The following USP28 variants were observed in gnomAD, a reference collection of about 807,000 sequenced individuals.
The protein encoded by USP28 is ubiquitin carboxyl-terminal hydrolase 28.
USP28 carries 113 observed loss-of-function variants against 145.0 expected under a neutral mutation model. The ratio of observed to expected loss-of-function variants is 0.78; its 90% CI spans 0.67 to 0.91. USP28 has a LOEUF of 0.91. Ranked by LOEUF, USP28 falls within the 40% of genes least tolerant of loss-of-function variation. The pLI, the probability that USP28 is intolerant of heterozygous loss-of-function variation, is 0.00. For synonymous variants in USP28, 447 were observed against 450.9 expected (o/e 0.99, Z 0.11); for missense variants, 1,201 against 1,289.6 (o/e 0.93, Z 1.05).
At chr11:113,874,141 G>GAAAA (rs552125095) in intron 1 of USP28, among the ~76,000 whole-genome samples, 1 of 83,420 alleles carries the variant, frequency 1.2e-5, no homozygotes. Flanking sequence ...ACTCCGTCTG[G>GAAAA]AAAAAAAAAA....
chr11:113,843,671 C>CA (rs573054023), intron 3 of USP28, among the ~76,000 whole-genome samples: 13,803 of 61,190 alleles, frequency 0.23, 1,005 homozygotes, highest in Middle Eastern at 0.31. Flanking sequence ...AACTCTATCT[C>CA]AAAAAAAAAA....
intron 1 of USP28, among the ~76,000 whole-genome samples, chr11:113,859,604 T>C (rs1276913158): frequency 6.6e-6 from 1 of 151,596 alleles, no homozygotes; most frequent in Non-Finnish European, 1.5e-5. Context: ...GTACTATATA[T>C]ATATATTTAT....
intron 3 of USP28, among the ~76,000 whole-genome samples, chr11:113,844,108 G>C (rs571459264): frequency 6.6e-6 from 1 of 152,070 alleles, no homozygotes; most frequent in Non-Finnish European, 1.5e-5. Context: ...AGAAAAAATA[G>C]ATTAAAAAAT....
At chr11:113,822,719 T>A (rs1043075331) in intron 12 of USP28, among the ~76,000 whole-genome samples, 1 of 152,268 alleles carries the variant, frequency 6.6e-6, no homozygotes, top group East Asian at 1.9e-4. Context: ...GTCCTGAAAA[T>A]CACTTCCAGG....
At chr11:113,829,728 G>A (rs566633059) in intron 9 of USP28, among the ~76,000 whole-genome samples, 10 of 150,742 alleles carry the variant, frequency 6.6e-5, no homozygotes, top group African/African-American at 2.2e-4. Flanking sequence ...AGGAGGATAA[G>A]GTAGGAGGAT....
chr11:113,855,012 C>A (rs1946890135), intron 1 of USP28, among the ~76,000 whole-genome samples: 1 of 152,192 alleles, frequency 6.6e-6, no homozygotes. Flanking sequence ...AGCTTTCCTG[C>A]ACATGCCATT....
At chr11:113,855,731 A>G (rs1191710847) in intron 1 of USP28, among the ~76,000 whole-genome samples, 3 of 152,170 alleles carry the variant, frequency 2.0e-5, no homozygotes, top group Non-Finnish European at 4.4e-5. Context: ...AGCCTGACCA[A>G]CATGGCCCCG....
chr11:113,808,963 G>T, intron 17 of USP28, 100 bp downstream of exon 17: 2 of 1,133,272 alleles, frequency 1.8e-6, no homozygotes, highest in South Asian at 1.5e-5. Flanking sequence ...ATACTGTGAA[G>T]ACTGTGGCAT....
At chr11:113,816,515 AAAAC>A (rs1037545486) in intron 13 of USP28, among the ~76,000 whole-genome samples, 19 of 152,102 alleles carry the variant, frequency 1.2e-4, no homozygotes, top group East Asian at 7.7e-4. Flanking sequence ...CCATCTCAAA[AAAAC>A]AAACAAACAA....
intron 14 of USP28, 85 bp downstream of exon 14, chr11:113,815,089 A>T: frequency 8.5e-7 from 1 of 1,176,802 alleles, no homozygotes. Flanking sequence ...CAGTAATGTC[A>T]GGAAGTGTAC....
At chr11:113,836,551 G>A (rs537911075) in intron 5 of USP28, among the ~76,000 whole-genome samples, 1 of 152,210 alleles carries the variant, frequency 6.6e-6, no homozygotes, top group South Asian at 2.1e-4. Context: ...ACTCTCCCAA[G>A]TCCTGACATC....
intron 12 of USP28, chr11:113,821,435 G>C (rs1008773636): frequency 4.4e-6 from 1 of 225,376 alleles, no homozygotes; most frequent in Admixed American, 4.1e-5. Flanking sequence ...AGCTTGGGTA[G>C]AGTTCTGTGG....
At chr11:113,831,010 G>A (rs778903793) in intron 8 of USP28, 67 bp from the exon 9 acceptor site, 3 of 1,565,896 alleles carry the variant, frequency 1.9e-6, no homozygotes, top group Non-Finnish European at 2.6e-6. Context: ...TAAAATCCAA[G>A]CATCATTCAA....
chr11:113,799,335 G>A (rs1461177510), exon 25 of USP28: 1 of 1,614,210 alleles, frequency 6.2e-7, no homozygotes, highest in Admixed American at 1.7e-5. Flanking sequence ...CGAATAGTTG[G>A]AGGCTCTTTC....
intron 12 of USP28, among the ~76,000 whole-genome samples, chr11:113,819,176 G>C (rs984978607): frequency 6.6e-6 from 1 of 150,938 alleles, no homozygotes; most frequent in Non-Finnish European, 1.5e-5. Context: ...GCAGCGGCAC[G>C]ATCTCGGCTT....
intron 21 of USP28, 21 bp from the exon 23 acceptor site, chr11:113,803,898 T>C: frequency 6.2e-7 from 1 of 1,601,178 alleles, no homozygotes; most frequent in Non-Finnish European, 8.6e-7. Context: ...ATGACGATTA[T>C]TAATAATCAT....
intron 1 of USP28, among the ~76,000 whole-genome samples, chr11:113,860,473 AAAAC>A (rs1385045138): frequency 3.3e-5 from 5 of 151,934 alleles, no homozygotes; most frequent in Non-Finnish European, 5.9e-5. Context: ...ACAAAAAACA[AAAAC>A]AAAACCAACT....
intron 5 of USP28, among the ~76,000 whole-genome samples, chr11:113,837,835 T>G (rs527357357): frequency 6.6e-6 from 1 of 152,268 alleles, no homozygotes; most frequent in African/African-American, 2.4e-5. Flanking sequence ...AGTCAACAAT[T>G]TCAAGCAGAT....
At chr11:113,804,687 T>C in exon 21 of USP28, 1 of 1,614,132 alleles carries the variant, frequency 6.2e-7, no homozygotes, top group Non-Finnish European at 8.5e-7. Context: ...TACTCTTCCA[T>C]ATTCATGTCA....
Sources: gnomAD v4.1 joint callset for allele counts (sites outside exome capture counted in the v4.1 genomes callset) on GRCh38, gnomAD v4.1.1 for gene constraint, MANE v1.5 for transcripts, NCBI Gene and HGNC (gene_info 2026-07-23, HGNC 2026-07-21) for gene names.